TLK1: variants seen among roughly 807,000 people sequenced by gnomAD.
The protein encoded by TLK1 is serine/threonine-protein kinase tousled-like 1.
TLK1 carries 24 observed loss-of-function variants against 105.3 expected under a neutral mutation model. The ratio of observed to expected loss-of-function variants is 0.23; its 90% confidence interval spans 0.17 to 0.32. The LOEUF is 0.32. TLK1 is among the 10% of genes least tolerant of loss of function. TLK1 has a pLI of 1.00. For missense variants in TLK1, 558 were observed against 910.5 expected (o/e 0.61, Z 4.98); for synonymous variants, 321 against 310.4 (o/e 1.03, Z -0.36).
chr2:171,008,435 T>C (rs1684746039), intron 14 of TLK1, among the ~76,000 whole-genome samples: 1 of 152,052 alleles, frequency 6.6e-6, no homozygotes, highest in Non-Finnish European at 1.5e-5. Flanking sequence ...AACAAATCTA[T>C]AAAGAATTCA....
chr2:171,195,728 A>C (rs1323309419), intron 1 of TLK1, among the ~76,000 whole-genome samples: 1 of 152,018 alleles, frequency 6.6e-6, no homozygotes, highest in Non-Finnish European at 1.5e-5. Flanking sequence ...CATTTATAAG[A>C]TTTTCTGTTG....
intron 1 of TLK1, among the ~76,000 whole-genome samples, chr2:171,176,437 G>A (rs902778619): frequency 4.6e-5 from 7 of 152,074 alleles, no homozygotes; most frequent in African/African-American, 1.7e-4. Context: ...ATCCAAAACG[G>A]AACTCTTGAT....
At chr2:171,101,784 T>G (rs1344480317) in intron 2 of TLK1, among the ~76,000 whole-genome samples, 1 of 152,162 alleles carries the variant, frequency 6.6e-6, no homozygotes, top group Non-Finnish European at 1.5e-5. Context: ...ACTTGAGGCC[T>G]TCAAAAGAAT....
intron 1 of TLK1, among the ~76,000 whole-genome samples, chr2:171,118,425 A>G (rs1690521607): frequency 1.3e-5 from 2 of 152,192 alleles, no homozygotes; most frequent in South Asian, 4.1e-4. Flanking sequence ...AACTATAAAG[A>G]ACTGTTTTAT....
chr2:171,089,174 A>G (rs1244200780), intron 2 of TLK1, among the ~76,000 whole-genome samples: 2 of 152,226 alleles, frequency 1.3e-5, no homozygotes, highest in African/African-American at 4.8e-5. Flanking sequence ...TGAAATTATG[A>G]ACATGAATTG....
At chr2:171,201,500 C>T (rs762973670) in intron 1 of TLK1, among the ~76,000 whole-genome samples, 5 of 152,176 alleles carry the variant, frequency 3.3e-5, no homozygotes, top group Non-Finnish European at 7.3e-5. Context: ...TAGGAAATCC[C>T]ATTCATGACA....
intron 11 of TLK1, among the ~76,000 whole-genome samples, chr2:171,031,540 T>C (rs1396716994): frequency 6.6e-6 from 1 of 152,124 alleles, no homozygotes; most frequent in Non-Finnish European, 1.5e-5. Flanking sequence ...CATAGACTCA[T>C]ATCTGATGAT....
chr2:171,083,486 C>G (rs144710049), intron 2 of TLK1, among the ~76,000 whole-genome samples: 1 of 152,114 alleles, frequency 6.6e-6, no homozygotes, highest in South Asian at 2.1e-4. Flanking sequence ...GTTTCCAATA[C>G]GCTTCTATGA....
At chr2:171,032,280 T>C (rs961127587) in intron 11 of TLK1, among the ~76,000 whole-genome samples, 1 of 152,126 alleles carries the variant, frequency 6.6e-6, no homozygotes, top group African/African-American at 2.4e-5. Context: ...TGCATCTAAA[T>C]TGTAAGCTAA....
chr2:171,117,296 T>A (rs559214001), intron 2 of TLK1, among the ~76,000 whole-genome samples: 1 of 152,284 alleles, frequency 6.6e-6, no homozygotes. Flanking sequence ...CAGGCAGTAA[T>A]GCTCACTCTC....
intron 1 of TLK1, among the ~76,000 whole-genome samples, chr2:171,186,389 C>T (rs139971677): frequency 6.6e-6 from 1 of 152,276 alleles, no homozygotes; most frequent in African/African-American, 2.4e-5. Flanking sequence ...GAGACAGTCC[C>T]CTCCCTTGGA....
At position 171,009,097 on chromosome 2, in the gene TLK1, G is replaced by A. The variant is rs1299105195; in HGVS notation, c.1417-2034C>T. On this transcript the variant is annotated intron_variant, in intron 14 of 20. Coordinates refer to ENST00000431350, the MANE Select transcript of TLK1 (RefSeq NM_012290.5). ...AACAGGAATTGGAAGAGAGCCCAAA[G>A]ATCACTTTTGATGAATGAGGAAGGT... is the stretch of plus-strand genomic sequence containing the variant. Among the ~76,000 whole-genome samples, 3 of 152,104 alleles carry A rather than the reference G, an allele frequency of 2.0e-5. No homozygotes were observed. The East Asian group carries it at 5.8e-4, about 29-fold the overall frequency.
intron 11 of TLK1, among the ~76,000 whole-genome samples, chr2:171,030,297 C>T (rs1034545554): frequency 3.0e-5 from 4 of 133,714 alleles, no homozygotes; most frequent in Non-Finnish European, 4.9e-5. Flanking sequence ...GTATTCCACC[C>T]GCAACATCTT....
rs538934863 is a variant in TLK1, at chr2:171,037,123, G to A, written c.1170-8718C>T. On this transcript the variant is annotated intron_variant, in intron 11 of 20. Coordinates refer to ENST00000431350, the MANE Select transcript of TLK1 (RefSeq NM_012290.5). ...AATTAAAAAGAAGCAACAGCAGGAG[G>A]CCAGGAAGAAGAAATAGGGTATTAA... 3.9e-5 allele frequency among the ~76,000 whole-genome samples: 6 copies of A among 152,172 alleles called. No homozygotes were observed. In the East Asian group the frequency reaches 1.2e-3, roughly 29 times the overall value.
At chr2:171,045,376 C>G (rs1686906731) in intron 11 of TLK1, 1 of 150,258 alleles carries the variant, frequency 6.7e-6, no homozygotes, top group African/African-American at 2.5e-5. Flanking sequence ...ATTACAAGTG[C>G]CTGACACCAT....
intron 3 of TLK1, among the ~76,000 whole-genome samples, chr2:171,065,832 C>T (rs1036083470): frequency 2.6e-5 from 4 of 152,326 alleles, no homozygotes; most frequent in Admixed American, 2.0e-4. Context: ...CCACTGCGCC[C>T]AGCCCTCTCT....
intron 5 of TLK1, 128 bp downstream of exon 5, chr2:171,058,023 T>C: frequency 2.5e-6 from 2 of 796,862 alleles, no homozygotes; most frequent in Non-Finnish European, 2.0e-6. Context: ...AGATATCACA[T>C]AGTAATAAAG....
intron 1 of TLK1, among the ~76,000 whole-genome samples, chr2:171,187,177 A>T (rs962023820): frequency 4.0e-5 from 6 of 151,852 alleles, no homozygotes; most frequent in Non-Finnish European, 1.5e-5. Context: ...TAATTCTAAT[A>T]GAAACAGCAA....
At chr2:171,110,980 A>C (rs1375792361) in intron 2 of TLK1, among the ~76,000 whole-genome samples, 2 of 152,202 alleles carry the variant, frequency 1.3e-5, no homozygotes, top group African/African-American at 4.8e-5. Context: ...TAAACATTCA[A>C]CTCAATAGCT....
Sources: gnomAD v4.1 joint callset for allele counts (sites outside exome capture counted in the v4.1 genomes callset) on GRCh38, gnomAD v4.1.1 for gene constraint, MANE v1.5 for transcripts, NCBI Gene and HGNC (gene_info 2026-07-23, HGNC 2026-07-21) for gene names.